GPC5: variants seen among roughly 807,000 people sequenced by gnomAD.
GPC5 encodes the protein glypican 5, also known as glypican-5.
Under a neutral mutation model 53.9 loss-of-function variants are expected in GPC5, and 47 were observed. The ratio of observed to expected loss-of-function variants is 0.87; its 90% CI spans 0.69 to 1.11. The LOEUF (loss-of-function observed/expected upper bound fraction) is 1.11, where lower values mean the gene tolerates loss of function less well. Ranked by LOEUF, GPC5 falls within the 50% of genes most tolerant of loss-of-function variation. The pLI is 0.00. For synonymous variants in GPC5, 286 were observed against 263.3 expected (o/e 1.09, Z -0.84); for missense variants, 748 against 713.1 (o/e 1.05, Z -0.56).
chr13:92,469,467 G>A (rs1172838367), intron 7 of GPC5, among the ~76,000 whole-genome samples: 1 of 152,130 alleles, frequency 6.6e-6, no homozygotes, highest in East Asian at 1.9e-4. Context: ...GAGCAGAAAA[G>A]TTAAATCATT....
intron 7 of GPC5, among the ~76,000 whole-genome samples, chr13:92,581,436 T>C (rs1217294694): frequency 6.6e-6 from 1 of 152,190 alleles, no homozygotes; most frequent in Non-Finnish European, 1.5e-5. Flanking sequence ...TTCCATTATG[T>C]ATATATACCA....
chr13:92,512,280 C>G (rs998474065), intron 7 of GPC5, among the ~76,000 whole-genome samples: 10 of 152,010 alleles, frequency 6.6e-5, no homozygotes, highest in Non-Finnish European at 5.9e-5. Flanking sequence ...TGTGTGCATG[C>G]ACGCTCATGG....
At chr13:91,993,399 T>C (rs1024566478) in intron 6 of GPC5, among the ~76,000 whole-genome samples, 1 of 152,152 alleles carries the variant, frequency 6.6e-6, no homozygotes, top group African/African-American at 2.4e-5. Context: ...ATTATGGTTC[T>C]TTTTTTGGTT....
intron 7 of GPC5, among the ~76,000 whole-genome samples, chr13:92,277,416 A>G (rs951607713): frequency 6.6e-6 from 1 of 152,048 alleles, no homozygotes; most frequent in Admixed American, 6.6e-5. Context: ...TTTATTGCAT[A>G]ATTACAGCAA....
At chr13:92,089,629 A>T (rs1315902905) in intron 6 of GPC5, among the ~76,000 whole-genome samples, 1 of 152,208 alleles carries the variant, frequency 6.6e-6, no homozygotes, top group African/African-American at 2.4e-5. Flanking sequence ...CAGTATAAAA[A>T]ATATAAATTC....
At chr13:92,349,888 G>T (rs2043461241) in intron 7 of GPC5, among the ~76,000 whole-genome samples, 2 of 152,012 alleles carry the variant, frequency 1.3e-5, no homozygotes, top group Admixed American at 6.6e-5. Flanking sequence ...CATTTATCAA[G>T]TCACCATTAC....
At chr13:92,375,254 G>C (rs1389811510) in intron 7 of GPC5, among the ~76,000 whole-genome samples, 1 of 152,196 alleles carries the variant, frequency 6.6e-6, no homozygotes, top group Non-Finnish European at 1.5e-5. Context: ...CTTTACAGAA[G>C]ATTATGGGTG....
chr13:92,580,801 A>AC (rs903766272), intron 7 of GPC5, among the ~76,000 whole-genome samples: 18 of 152,176 alleles, frequency 1.2e-4, no homozygotes, highest in African/African-American at 4.1e-4. Context: ...TGAGAAATTC[A>AC]CCTCCATGAT....
At chr13:92,191,427 G>A (rs372106412) in intron 7 of GPC5, among the ~76,000 whole-genome samples, 3 of 152,098 alleles carry the variant, frequency 2.0e-5, no homozygotes, top group African/African-American at 7.2e-5. Flanking sequence ...AATTGCTGAC[G>A]GGAATGTAAA....
At chr13:92,567,676 G>C (rs1346522776) in intron 7 of GPC5, among the ~76,000 whole-genome samples, 1 of 152,068 alleles carries the variant, frequency 6.6e-6, no homozygotes, top group Non-Finnish European at 1.5e-5. Flanking sequence ...CCAAGGAATG[G>C]GGGCAGCCTC....
At chr13:92,333,828 C>G (rs1348962631) in intron 7 of GPC5, among the ~76,000 whole-genome samples, 1 of 151,960 alleles carries the variant, frequency 6.6e-6, no homozygotes. Context: ...AATTTTCAGA[C>G]TGGGAATTTT....
chr13:92,596,082 G>A (rs1294520736), intron 7 of GPC5, among the ~76,000 whole-genome samples: 1 of 152,044 alleles, frequency 6.6e-6, no homozygotes, highest in Non-Finnish European at 1.5e-5. Flanking sequence ...TTTGAGTACC[G>A]TGAATCACAT....
intron 7 of GPC5, among the ~76,000 whole-genome samples, chr13:92,521,547 A>G (rs1250243453): frequency 1.3e-5 from 2 of 152,246 alleles, no homozygotes; most frequent in African/African-American, 2.4e-5. Flanking sequence ...TATTTAATAA[A>G]TGGTGCTGGG....
At chr13:91,842,254 G>T (rs576737287) in intron 5 of GPC5, among the ~76,000 whole-genome samples, 2 of 151,720 alleles carry the variant, frequency 1.3e-5, no homozygotes, top group Admixed American at 6.6e-5. Flanking sequence ...TAAAGGAGAG[G>T]TAAAGAGTGA....
At chr13:92,513,713 C>G (rs897886504) in intron 7 of GPC5, among the ~76,000 whole-genome samples, 2 of 152,064 alleles carry the variant, frequency 1.3e-5, no homozygotes, top group African/African-American at 4.8e-5. Flanking sequence ...GGAATGTGTG[C>G]ATATGCATAA....
chr13:92,242,553 A>G (rs947890398), intron 7 of GPC5, among the ~76,000 whole-genome samples: 4 of 152,076 alleles, frequency 2.6e-5, no homozygotes, highest in African/African-American at 9.7e-5. Flanking sequence ...TTATATACCA[A>G]AAGCTATCCA....
intron 7 of GPC5, among the ~76,000 whole-genome samples, chr13:92,185,393 C>CT (rs1347533285): frequency 6.6e-6 from 1 of 152,156 alleles, no homozygotes; most frequent in African/African-American, 2.4e-5. Context: ...TTCTCTTAAA[C>CT]TTACTAAGAT....
At chr13:91,831,620 A>G (rs1253543847) in intron 5 of GPC5, among the ~76,000 whole-genome samples, 2 of 152,140 alleles carry the variant, frequency 1.3e-5, no homozygotes, top group African/African-American at 4.8e-5. Flanking sequence ...ATTGCTAATT[A>G]TATAGTGTTG....
intron 7 of GPC5, among the ~76,000 whole-genome samples, chr13:92,169,626 T>C (rs188456070): frequency 5.1e-4 from 77 of 152,310 alleles, no homozygotes; most frequent in Middle Eastern, 3.4e-3. Flanking sequence ...TATTAGCTTT[T>C]TAAAAATAAA....
Sources: gnomAD v4.1 joint callset for allele counts (sites outside exome capture counted in the v4.1 genomes callset) on GRCh38, gnomAD v4.1.1 for gene constraint, MANE v1.5 for transcripts, NCBI Gene and HGNC (gene_info 2026-07-23, HGNC 2026-07-21) for gene names.